FHAD1: variants seen among roughly 807,000 people sequenced by gnomAD.
FHAD1 encodes forkhead associated phosphopeptide binding domain 1.
FHAD1 carries 146 observed loss-of-function variants against 191.3 expected under a neutral mutation model. The observed-to-expected ratio is 0.76, with a 90% CI of 0.67 to 0.88. The LOEUF is 0.88. Among genes scored for constraint, FHAD1 ranks in the 40% least tolerant of loss-of-function variants. The pLI is 0.00. For missense variants in FHAD1, 1,635 were observed against 1,785.8 expected, an observed-to-expected ratio of 0.92 and a Z score of 1.52; for synonymous variants, 616 against 672.3, an observed-to-expected ratio of 0.92 and a Z score of 1.29.
chr1:15,358,401 C>A, intron 21 of FHAD1, 118 bp downstream of exon 21: 1 of 965,558 alleles, frequency 1.0e-6, no homozygotes, highest in Non-Finnish European at 1.5e-6. Context: ...ATGTTCTGGG[C>A]CAAGTAGCTC....
chr1:15,341,189 A>G (rs1310309549), intron 15 of FHAD1, among the ~76,000 whole-genome samples: 1 of 152,092 alleles, frequency 6.6e-6, no homozygotes, highest in Admixed American at 6.6e-5. Flanking sequence ...CTCAAAAAAA[A>G]CAAAACAAAA....
intron 10 of FHAD1, among the ~76,000 whole-genome samples, chr1:15,322,710 C>A (rs926135899): frequency 6.9e-6 from 1 of 144,200 alleles, no homozygotes; most frequent in African/African-American, 3.0e-5. Context: ...TTCTACCAGA[C>A]AGTGCTGCCC....
chr1:15,245,159 C>A (rs1047627250), upstream of FHAD1, among the ~76,000 whole-genome samples: 2 of 152,172 alleles, frequency 1.3e-5, no homozygotes, highest in Non-Finnish European at 2.9e-5. Context: ...CCCGCATGAT[C>A]CAAGCACCTC....
chr1:15,279,711 C>T (rs1177067904), intron 3 of FHAD1, among the ~76,000 whole-genome samples: 5 of 152,070 alleles, frequency 3.3e-5, no homozygotes, highest in African/African-American at 4.8e-5. Context: ...TCATTGGCTT[C>T]GTTTGGATCA....
At chr1:15,251,649 C>G in intron 1 of FHAD1, 122 bp from the exon 2 acceptor site, 3 of 735,622 alleles carry the variant, frequency 4.1e-6, no homozygotes, top group South Asian at 3.9e-5. Context: ...CTAATCCCCC[C>G]TCTTCTGATT....
intron 19 of FHAD1, among the ~76,000 whole-genome samples, chr1:15,350,501 A>C (rs1690487816): frequency 6.6e-6 from 1 of 152,192 alleles, no homozygotes; most frequent in Non-Finnish European, 1.5e-5. Context: ...ATGAAACCAA[A>C]GCTGGCCCAA....
At chr1:15,308,824 T>C in intron 7 of FHAD1, 88 bp downstream of exon 7, 32 of 1,526,556 alleles carry the variant, frequency 2.1e-5, no homozygotes, top group Non-Finnish European at 2.8e-5. Context: ...ACCACATACT[T>C]TTTGTTACTG....
chr1:15,331,499 GAT>G (rs1400933003), intron 14 of FHAD1, among the ~76,000 whole-genome samples: 4 of 133,194 alleles, frequency 3.0e-5, no homozygotes, highest in East Asian at 2.4e-4. Context: ...TGGATGGATG[GAT>G]GGATGGATGG....
intron 14 of FHAD1, among the ~76,000 whole-genome samples, chr1:15,332,216 G>A (rs569708370): frequency 3.9e-5 from 6 of 152,276 alleles, no homozygotes; most frequent in South Asian, 4.1e-4. Context: ...AGGCAGAGTC[G>A]TGAGCTTACT....
At chr1:15,350,270 C>T (rs1690386259) in intron 19 of FHAD1, among the ~76,000 whole-genome samples, 1 of 152,260 alleles carries the variant, frequency 6.6e-6, no homozygotes, top group Admixed American at 6.5e-5. Flanking sequence ...GGGAGACAGA[C>T]AGCCTGCGGA....
In FHAD1 at chr1:15,311,902, A is replaced by G. The variant is rs757423999; in HGVS notation, c.1040-1155A>G. Among the ~76,000 whole-genome samples, 1 of 152,240 alleles carries G rather than the reference A, an allele frequency of 6.6e-6. No individual in the cohort carries two copies. The highest frequency in any genetic ancestry group is 1.5e-5 in the Non-Finnish European group (1 of 68,044). On this transcript the variant is annotated intron_variant, in intron 7 of 33. Transcript: ENST00000688493. This position sits in a 1 kb window ranked among gnomAD's most constrained non-coding sequence, Gnocchi z 4.1. ...GGCTCAGGGTCTCTCACGAGGTTGC[A>G]GGAGCTACTGCTGTCATGTCATCTA...
intron 3 of FHAD1, among the ~76,000 whole-genome samples, chr1:15,286,065 T>C (rs986048492): frequency 4.6e-5 from 7 of 152,224 alleles, no homozygotes; most frequent in Non-Finnish European, 1.0e-4. Context: ...GGGAGAGTTA[T>C]TTAATGAGAA....
At chr1:15,328,184 A>C in intron 12 of FHAD1, 93 bp from the exon 13 acceptor site, 45 of 916,322 alleles carry the variant, frequency 4.9e-5, no homozygotes, top group Non-Finnish European at 6.7e-5. Context: ...CTTAAGTTGC[A>C]TCTCTCCCCT....
rs1373868766 is a variant in FHAD1 at position 15,329,396 on chromosome 1, CCTT to C, written c.1766_1768del (p.Leu589del). ...GCCATGACCTGAAGAAGGAGGTCGA[CCTT>C]CTTCAGCACCTCCAGGTGAGCCCAC... On this transcript the variant is annotated inframe_deletion, in exon 14 of 34. Transcript: ENST00000688493. This position sits in a 1 kb window ranked among gnomAD's most constrained non-coding sequence, Gnocchi z 5.0. 9.7e-6 allele frequency: 15 copies of C among 1,551,028 alleles called. No individual in the cohort carries two copies. The highest frequency in any genetic ancestry group is 7.3e-5 in the East Asian group (3 of 40,888).
intron 23 of FHAD1, among the ~76,000 whole-genome samples, chr1:15,363,417 A>T (rs1425023359): frequency 6.6e-6 from 1 of 152,218 alleles, no homozygotes; most frequent in Non-Finnish European, 1.5e-5. Flanking sequence ...GGGGATGAAC[A>T]TTCAAACATA....
At chr1:15,278,491 T>TTTTTTTTTTTTG (rs1659323347) in intron 3 of FHAD1, among the ~76,000 whole-genome samples, 1 of 150,644 alleles carries the variant, frequency 6.6e-6, no homozygotes, top group African/African-American at 2.5e-5. Flanking sequence ...TTTTTTTTTT[T>TTTTTTTTTTTTG]GAGACGGAGT....
chr1:15,312,293 C>CT lies in FHAD1; in HGVS notation c.1040-763dup, dbSNP rs1672506774. Reference sequence around the variant, plus strand: ...ACTTGTGGGTGGCAGGGAATAAACACTATGTGTTAGCCACTCTACTATGTT... The same window carrying CT: ...ACTTGTGGGTGGCAGGGAATAAACACTTATGTGTTAGCCACTCTACTATGTT... On this transcript the variant is annotated intron_variant, in intron 7 of 33. Transcript: ENST00000688493. The surrounding 1 kb of genome is among the most constrained non-coding windows in gnomAD (Gnocchi z 4.7). 6.6e-6 allele frequency: 1 copy of CT among 152,216 alleles called. No individual in the cohort carries two copies. Among genetic ancestry groups the CT allele is most frequent in the African/African-American group, 2.4e-5 (1 of 41,450 alleles). The allele number at this position is 152,216 out of a possible 1,614,324, so 9.4% of individuals were successfully genotyped here.
chr1:15,273,533 A>T (rs1657017198), intron 3 of FHAD1, among the ~76,000 whole-genome samples: 1 of 152,120 alleles, frequency 6.6e-6, no homozygotes, highest in African/African-American at 2.4e-5. Flanking sequence ...ATAGAAGTAT[A>T]ATTTATGCAG....
rs1207825841 is a variant in FHAD1 at position 15,289,720 on chromosome 1, T to C, written c.568+54T>C. On this transcript the variant is annotated intron_variant, in intron 4 of 33. Coordinates refer to ENST00000688493, the MANE Select transcript of FHAD1 (RefSeq NM_001391957.1). This position sits in a 1 kb window ranked among gnomAD's most constrained non-coding sequence, Gnocchi z 4.2. ...TGGGGGTGGTTCACGGCCATGTGGATGGGTCTTGGTTTTGGTTTACTTTCT... is the reference window on the plus strand; with the variant it reads ...TGGGGGTGGTTCACGGCCATGTGGACGGGTCTTGGTTTTGGTTTACTTTCT... The C allele has an allele frequency of 1.3e-6, 2 of 1,494,968 alleles. No individual in the cohort carries two copies. The highest frequency in any genetic ancestry group is 9.0e-7 in the Non-Finnish European group (1 of 1,115,926). 92.6% of individuals were successfully genotyped at this position (1,494,968 alleles called of 1,614,324 possible).
Sources: allele counts gnomAD v4.1 joint callset (sites outside exome capture counted in the v4.1 genomes callset), GRCh38; gene constraint gnomAD v4.1.1; non-coding constraint Gnocchi (gnomAD v3.1); transcripts MANE v1.5; gene names NCBI Gene and HGNC (gene_info 2026-07-23, HGNC 2026-07-21).